RNF214: variants seen among roughly 807,000 people sequenced by gnomAD.
The protein encoded by RNF214 is ring finger protein 214.
RNF214 carries 25 observed loss-of-function variants against 75.9 expected under a neutral mutation model. The observed-to-expected ratio is 0.33, with a 90% CI of 0.24 to 0.46. The LOEUF (loss-of-function observed/expected upper bound fraction) is 0.46, where lower values mean the gene tolerates loss of function less well. Among genes scored for constraint, RNF214 ranks in the 20% least tolerant of loss-of-function variants. RNF214 has a pLI of 1.00. For missense variants in RNF214, 725 were observed against 857.5 expected (o/e 0.85, Z 1.93); for synonymous variants, 314 against 308.8 (o/e 1.02, Z -0.18).
rs1374835466 is a variant in RNF214, at chr11:117,283,227, TTCC to T, written c.2046+20_2046+22del. The T allele has an allele frequency of 4.7e-6, 7 of 1,504,922 alleles. No homozygotes were observed. In the South Asian group the frequency reaches 7.0e-5, roughly 15 times the overall value. The allele number at this position is 1,504,922 out of a possible 1,614,324, so 93.2% of individuals were successfully genotyped here. A position where few individuals can be genotyped will look rare whatever the true frequency, so the allele number is the denominator to read the frequency against. Reference sequence around the variant, plus strand: ...CACAAGGAGGTAGGTGTTACAGACCTTCCTCATTTTCTACACTTTTTCTTCTGA... The same window carrying T: ...CACAAGGAGGTAGGTGTTACAGACCTTCATTTTCTACACTTTTTCTTCTGA... On this transcript the variant is annotated intron_variant, in intron 14 of 14. Coordinates refer to ENST00000300650, the MANE Select transcript of RNF214 (RefSeq NM_207343.4).
At chr11:117,238,525 G>T in intron 2 of RNF214, 76 bp from the exon 3 acceptor site, 6 of 1,285,760 alleles carry the variant, frequency 4.7e-6, no homozygotes, top group Non-Finnish European at 6.4e-6. Flanking sequence ...GAGGGTTTAC[G>T]TAGTCTAGTT....
chr11:117,268,820 A>G (rs916771750), intron 6 of RNF214, among the ~76,000 whole-genome samples: 1 of 152,186 alleles, frequency 6.6e-6, no homozygotes, highest in Non-Finnish European at 1.5e-5. Context: ...ATTCATGAAC[A>G]TGGAAGAGCG....
At chr11:117,273,503 C>T (rs1376120054) in intron 6 of RNF214, among the ~76,000 whole-genome samples, 2 of 151,702 alleles carry the variant, frequency 1.3e-5, no homozygotes, top group African/African-American at 4.8e-5. Context: ...TTTTCTCTAC[C>T]TTCTTATGTT....
chr11:117,281,300 T>C lies in RNF214; in HGVS notation c.1146-14T>C. 6.3e-7 allele frequency: 1 copy of C among 1,596,174 alleles called. No individual in the cohort carries two copies. The highest frequency in any genetic ancestry group is 2.2e-5 in the East Asian group (1 of 44,742). ...TTTCTTTAAATCTGTAAATTCCTGT[T>C]GGTTTCTTGAAAGGTCAACTCCCCC... On this transcript the variant is annotated splice_polypyrimidine_tract_variant and intron_variant, in intron 8 of 14. Transcript: ENST00000300650.
At chr11:117,276,612 TAAG>T (rs1223773737) in intron 6 of RNF214, among the ~76,000 whole-genome samples, 1 of 152,028 alleles carries the variant, frequency 6.6e-6, no homozygotes, top group Non-Finnish European at 1.5e-5. Flanking sequence ...AAAAAGAAAA[TAAG>T]AAAATAATTT....
intron 2 of RNF214, among the ~76,000 whole-genome samples, chr11:117,235,409 G>C: frequency 6.6e-6 from 1 of 151,468 alleles, no homozygotes; most frequent in East Asian, 1.9e-4. Context: ...TGTTAGCCAG[G>C]ATGGTCTCGA....
intron 3 of RNF214, 114 bp from the exon 4 acceptor site, chr11:117,239,687 G>T: frequency 1.5e-6 from 1 of 685,482 alleles, no homozygotes. Context: ...TTGGAAGCTG[G>T]TAAGGGGAAA....
chr11:117,233,532 A>T (rs1025757236), intron 1 of RNF214, among the ~76,000 whole-genome samples: 1 of 152,218 alleles, frequency 6.6e-6, no homozygotes, highest in Admixed American at 6.5e-5. Context: ...TCATAAGGTC[A>T]TAAGTTTGCT....
Position 117,246,785 on chromosome 11 carries a change from C to T in RNF214, c.820-24C>T, listed in dbSNP as rs777960807. 6.1e-6 allele frequency: 9 copies of T among 1,484,816 alleles called. No individual in the cohort carries two copies. The South Asian group carries it at 7.5e-5, about 12-fold the overall frequency. The allele number at this position is 1,484,816 out of a possible 1,614,324, so 92.0% of individuals were successfully genotyped here. Reference sequence around the variant, plus strand: ...ACTTATTTTCTTTTTTATTTGTGTGCGACTGTAATTGTGTGGAACTCAGGA... The same window carrying T: ...ACTTATTTTCTTTTTTATTTGTGTGTGACTGTAATTGTGTGGAACTCAGGA... On this transcript the variant is annotated intron_variant, in intron 5 of 14. Transcript: ENST00000300650.
At chr11:117,239,738 A>T in intron 3 of RNF214, 63 bp from the exon 4 acceptor site, 1 of 865,584 alleles carries the variant, frequency 1.2e-6, no homozygotes, top group Non-Finnish European at 2.0e-6. Context: ...TCTAGGTGTT[A>T]GTGATTCTGC....
At chr11:117,275,595 A>C (rs2034000554) in intron 6 of RNF214, among the ~76,000 whole-genome samples, 1 of 152,234 alleles carries the variant, frequency 6.6e-6, no homozygotes, top group African/African-American at 2.4e-5. Flanking sequence ...AGATCATCTG[A>C]GACTGCTGTG....
rs1197554327 is a variant in RNF214 at position 117,280,220 on chromosome 11, A to T, written c.1106A>T (p.Glu369Val). The change falls in exon 8 of 15, where the codon GAA (glutamate) becomes GTA (valine). Residue 369 changes from glutamate (E) to valine (V), a missense_variant. Around this residue, in one of 2 missense-constraint regions of RNF214, gnomAD observed 363 missense variants for 513.0 expected, o/e 0.71. Coordinates refer to ENST00000300650, the MANE Select transcript of RNF214 (RefSeq NM_207343.4). ...GAGTTACTGGTACTGAAACTAGAAG[A>T]AGCAGAAAAAGAGGCAGAATTGCAC... ...RKELLVLKLE[E>V]AEKEAELHLT... 1 of 1,613,824 alleles carries T rather than the reference A, an allele frequency of 6.2e-7. No homozygotes were observed. Among genetic ancestry groups the T allele is most frequent in the Middle Eastern group, 1.6e-4 (1 of 6,062 alleles).
At position 117,282,259 on chromosome 11, in the gene RNF214, A is replaced by G. The variant is rs775930745; in HGVS notation, c.1701A>G (p.Pro567=). Residue 567 remains proline (P), a synonymous_variant, in exon 11 of 15, where the codon CCA becomes CCG. Coordinates refer to ENST00000300650, the MANE Select transcript of RNF214 (RefSeq NM_207343.4). ...KILEKLLTRF[P]QCNKAQMTNI... ...TGGAGAAGCTGCTGACCCGGTTCCCACAGTGCAATAAGTAAGTACCTTCAA... is the reference window on the plus strand; with the variant it reads ...TGGAGAAGCTGCTGACCCGGTTCCCGCAGTGCAATAAGTAAGTACCTTCAA... 10 of 1,594,086 alleles carry G rather than the reference A, an allele frequency of 6.3e-6. No homozygotes were observed. The highest frequency in any genetic ancestry group is 3.4e-6 in the Non-Finnish European group (4 of 1,169,500).
Position 117,251,516 on chromosome 11 carries a change from C to T in RNF214, c.959+4568C>T, listed in dbSNP as rs1049802856. ...CTCCCTCCCGGACGGGGCGGCTGGC[C>T]GGGCGGGGGGCTGACCCCCCCACCT... On this transcript the variant is annotated intron_variant, in intron 6 of 14. Coordinates refer to ENST00000300650, the MANE Select transcript of RNF214 (RefSeq NM_207343.4). Among the ~76,000 whole-genome samples, 2 of 101,362 alleles carry T rather than the reference C, an allele frequency of 2.0e-5. 1 individual carries two copies. Among genetic ancestry groups the T allele is most frequent in the East Asian group, 9.1e-4 (2 of 2,200 alleles). 66.5% of individuals were successfully genotyped at this position (101,362 alleles called of 152,430 possible). A position where few individuals can be genotyped will look rare whatever the true frequency, so the allele number is the denominator to read the frequency against.
chr11:117,245,640 C>A (rs2033201610), intron 5 of RNF214, among the ~76,000 whole-genome samples: 1 of 152,080 alleles, frequency 6.6e-6, no homozygotes, highest in Non-Finnish European at 1.5e-5. Flanking sequence ...CTGCGCCAGA[C>A]CACTCATAGA....
At chr11:117,281,179 G>T (rs2034120342) in intron 8 of RNF214, 135 bp from the exon 9 acceptor site, 4 of 625,192 alleles carry the variant, frequency 6.4e-6, no homozygotes, top group Non-Finnish European at 1.2e-5. Context: ...TAGCCACATT[G>T]CCCAGGCTGG....
Position 117,246,855 on chromosome 11 carries a change from CAA to C in RNF214, c.868_869del (p.Lys290GlufsTer20). 6.2e-7 allele frequency: 1 copy of C among 1,611,126 alleles called. No individual in the cohort carries two copies. Among genetic ancestry groups the C allele is most frequent in the Non-Finnish European group, 8.5e-7 (1 of 1,178,342 alleles). Reference sequence around the variant, plus strand: ...GATGTGACAATAAAGCGGGAAGAAACAAAGAAGAAGATAGAGAAAGAGAAGAA... The same window carrying C: ...GATGTGACAATAAAGCGGGAAGAAACAGAAGAAGATAGAGAAAGAGAAGAA... On this transcript the variant is annotated frameshift_variant, in exon 6 of 15. Coordinates refer to ENST00000300650, the MANE Select transcript of RNF214 (RefSeq NM_207343.4). LOFTEE classifies it high-confidence loss of function.
intron 6 of RNF214, among the ~76,000 whole-genome samples, chr11:117,265,750 GA>G (rs1372734445): frequency 6.6e-6 from 1 of 152,082 alleles, no homozygotes; most frequent in African/African-American, 2.4e-5. Flanking sequence ...ACTTATTTGA[GA>G]TATAATTTGT....
At chr11:117,252,710 C>T (rs772010654) in intron 6 of RNF214, among the ~76,000 whole-genome samples, 4 of 151,624 alleles carry the variant, frequency 2.6e-5, no homozygotes, top group African/African-American at 7.3e-5. Flanking sequence ...TTAGTAGAGA[C>T]GGGGTTTCAC....
Sources: allele counts gnomAD v4.1 joint callset (sites outside exome capture counted in the v4.1 genomes callset), GRCh38; gene constraint gnomAD v4.1.1; regional missense constraint gnomAD v4.1.1; transcripts MANE v1.5; gene names NCBI Gene and HGNC (gene_info 2026-07-23, HGNC 2026-07-21).